PSAT1: variants seen among roughly 807,000 people sequenced by gnomAD.
The protein encoded by PSAT1 is phosphoserine aminotransferase.
A neutral mutation model predicts 40.3 loss-of-function variants in PSAT1; 41 were observed. The ratio of observed to expected loss-of-function variants is 1.02; its 90% confidence interval spans 0.79 to 1.32. The LOEUF (loss-of-function observed/expected upper bound fraction) is 1.32, where lower values mean the gene tolerates loss of function less well. Ranked by LOEUF, PSAT1 falls within the 40% of genes most tolerant of loss-of-function variation. The pLI is 0.00. For synonymous variants in PSAT1, 147 were observed against 170.5 expected (o/e 0.86, Z 1.07); for missense variants, 406 against 455.8 (o/e 0.89, Z 0.99).
intron 6 of PSAT1, among the ~76,000 whole-genome samples, chr9:78,309,657 C>G (rs1330312398): frequency 6.6e-6 from 1 of 152,252 alleles, no homozygotes; most frequent in Non-Finnish European, 1.5e-5. Flanking sequence ...GCCACCACAA[C>G]CGGCCAACAT....
intron 1 of PSAT1, chr9:78,298,517 C>G (rs1200650090): frequency 4.9e-6 from 4 of 811,250 alleles, no homozygotes; most frequent in South Asian, 5.7e-5. Context: ...TCATTTTAGG[C>G]GAGATTCCCT....
At chr9:78,320,322 T>TATCCATCCATCCA (rs138559649) in intron 7 of PSAT1, among the ~76,000 whole-genome samples, 1 of 146,088 alleles carries the variant, frequency 6.8e-6, no homozygotes, top group African/African-American at 2.6e-5. Flanking sequence ...TCCATCAATC[T>TATCCATCCATCCA]TCCATCCATC....
chr9:78,304,658 C>A, intron 3 of PSAT1, 77 bp from the exon 4 acceptor site: 1 of 1,398,450 alleles, frequency 7.2e-7, no homozygotes, highest in Non-Finnish European at 1.0e-6. Context: ...AGTTAAAGCA[C>A]TTGGTAGAGC....
In PSAT1 at chr9:78,327,489, T is replaced by C. The variant is rs116541643; in HGVS notation, c.870-562T>C. ...TAATGCTTACAACAACTTGAGGTGG[T>C]TGAGGTAGGTTCCTCTATTATTCCC... On this transcript the variant is annotated intron_variant, in intron 7 of 8. Coordinates refer to ENST00000376588, the MANE Select transcript of PSAT1 (RefSeq NM_058179.4). Among the ~76,000 whole-genome samples the C allele has an allele frequency of 6.2e-3, 940 of 152,304 alleles. 11 individuals carry two copies. Among genetic ancestry groups the C allele is most frequent in the African/African-American group, 0.022 (903 of 41,560 alleles).
Position 78,297,920 on chromosome 9 carries a change from T to C in PSAT1, c.60+650T>C, listed in dbSNP as rs199751392. Reference sequence around the variant, plus strand: ...ACCTTCAGTCCAGCTTTCCCCTCCTTGTCCCCCATAGAACCTACCCTTTCC... The same window carrying C: ...ACCTTCAGTCCAGCTTTCCCCTCCTCGTCCCCCATAGAACCTACCCTTTCC... On this transcript the variant is annotated intron_variant, in intron 1 of 8. Coordinates refer to ENST00000376588, the MANE Select transcript of PSAT1 (RefSeq NM_058179.4). Among the ~76,000 whole-genome samples, 3 of 152,134 alleles carry C rather than the reference T, an allele frequency of 2.0e-5. No individual in the cohort carries two copies. In the East Asian group the frequency reaches 5.8e-4, roughly 29 times the overall value.
rs188808659 is a variant in PSAT1, at chr9:78,323,450, C to T, written c.870-4601C>T. 3.6e-3 allele frequency among the ~76,000 whole-genome samples: 542 copies of T among 152,108 alleles called. 3 individuals carry two copies. Among genetic ancestry groups the T allele is most frequent in the African/African-American group, 0.012 (517 of 41,512 alleles). On this transcript the variant is annotated intron_variant, in intron 7 of 8. Transcript: ENST00000376588. ...AAAAAATTAGCCGGGTGTGGTGGTA[C>T]ATGCCTGTAGTGCCAGCTGCTTGGG...
In PSAT1 at chr9:78,297,137, C is replaced by T; in HGVS notation, c.-74C>T. 24 of 1,467,276 alleles carry T rather than the reference C, an allele frequency of 1.6e-5. No individual in the cohort carries two copies. Among genetic ancestry groups the T allele is most frequent in the Non-Finnish European group, 2.0e-5 (22 of 1,077,866 alleles). The allele number at this position is 1,467,276 out of a possible 1,614,324, so 90.9% of individuals were successfully genotyped here. On this transcript the variant is annotated 5_prime_UTR_variant, in exon 1 of 9. Transcript: ENST00000376588. ...TTCGGGGCCGGCTGCAGACTCTCAC[C>T]GCAGCGGCCAGGAACGCCAGCCGTT...
intron 7 of PSAT1, among the ~76,000 whole-genome samples, chr9:78,322,946 C>T (rs1024597896): frequency 2.0e-5 from 3 of 152,142 alleles, no homozygotes; most frequent in Non-Finnish European, 4.4e-5. Flanking sequence ...AAGATTGCAG[C>T]GCTCATTATA....
intron 7 of PSAT1, among the ~76,000 whole-genome samples, chr9:78,318,258 A>T (rs572166914): frequency 7.9e-5 from 12 of 152,290 alleles, no homozygotes; most frequent in Admixed American, 7.8e-4. Context: ...TTTCCTTATT[A>T]TAAGACAGAT....
At chr9:78,297,968 C>T (rs557353717) in intron 1 of PSAT1, among the ~76,000 whole-genome samples, 20 of 152,262 alleles carry the variant, frequency 1.3e-4, no homozygotes, top group South Asian at 2.1e-4. Context: ...CCCCACCCCC[C>T]TCCTTTTTTT....
rs145350790 is a variant in PSAT1 at position 78,305,413 on chromosome 9, C to T, written c.397+473C>T. On this transcript the variant is annotated intron_variant, in intron 4 of 8. Transcript: ENST00000376588. ...TACAGGCGTGAGCCACTGTGCCTGG[C>T]CTATGCATACTCTTCTTGCAGAAGC... Among the ~76,000 whole-genome samples, 3 of 152,210 alleles carry T rather than the reference C, an allele frequency of 2.0e-5. No individual in the cohort carries two copies. The East Asian group carries it at 5.8e-4, about 29-fold the overall frequency.
intron 1 of PSAT1, chr9:78,298,272 AT>A: frequency 2.0e-6 from 2 of 979,514 alleles, no homozygotes; most frequent in Non-Finnish European, 2.4e-6. Context: ...TTAGATTTTT[AT>A]TTTTCTAACC....
At chr9:78,323,868 G>C (rs1828461762) in intron 7 of PSAT1, among the ~76,000 whole-genome samples, 1 of 152,118 alleles carries the variant, frequency 6.6e-6, no homozygotes, top group African/African-American at 2.4e-5. Flanking sequence ...CATTTGGTAG[G>C]CTTCTCTTCA....
At chr9:78,328,020 A>C in intron 7 of PSAT1, 31 bp from the exon 8 acceptor site, 1 of 1,604,328 alleles carries the variant, frequency 6.2e-7, no homozygotes, top group South Asian at 1.1e-5. Context: ...CATTTCAGAA[A>C]AGTAGCTGGA....
At chr9:78,315,750 C>T (rs1344910798) in intron 6 of PSAT1, among the ~76,000 whole-genome samples, 3 of 152,214 alleles carry the variant, frequency 2.0e-5, no homozygotes, top group African/African-American at 7.2e-5. Flanking sequence ...TGCACCCAGG[C>T]CTTGGGTCCC....
At chr9:78,300,290 ACTTTAG>A (rs1828088359) in intron 1 of PSAT1, among the ~76,000 whole-genome samples, 1 of 152,136 alleles carries the variant, frequency 6.6e-6, no homozygotes, top group African/African-American at 2.4e-5. Flanking sequence ...TGCATTCTTT[ACTTTAG>A]CTTTAGGAGA....
At chr9:78,327,820 T>C (rs1828523322) in intron 7 of PSAT1, among the ~76,000 whole-genome samples, 1 of 152,218 alleles carries the variant, frequency 6.6e-6, no homozygotes, top group South Asian at 2.1e-4. Flanking sequence ...CTGAGGCTGA[T>C]GGAAATTAAG....
intron 6 of PSAT1, among the ~76,000 whole-genome samples, chr9:78,313,826 T>G (rs537104610): frequency 1.3e-5 from 2 of 152,178 alleles, no homozygotes; most frequent in Non-Finnish European, 2.9e-5. Context: ...AAAAAAAAAT[T>G]TATGGCGACA....
intron 7 of PSAT1, among the ~76,000 whole-genome samples, chr9:78,326,747 T>C (rs1202671522): frequency 1.3e-5 from 2 of 151,544 alleles, no homozygotes; most frequent in African/African-American, 2.4e-5. Context: ...GTCAGCAGGT[T>C]GGGCTGAGCT....
Sources: allele counts gnomAD v4.1 joint callset (sites outside exome capture counted in the v4.1 genomes callset), GRCh38; gene constraint gnomAD v4.1.1; transcripts MANE v1.5; gene names NCBI Gene and HGNC (gene_info 2026-07-23, HGNC 2026-07-21).